The following TXLNB variants were observed in gnomAD, a reference collection of about 807,000 sequenced individuals.
The protein encoded by TXLNB is taxilin beta.
In TXLNB, 37 loss-of-function variants were observed where a neutral mutation model predicts 57.4. That is an observed-to-expected ratio of 0.64 (90% CI 0.50 to 0.85). The LOEUF is 0.85. Ranked by LOEUF, TXLNB falls within the 40% of genes least tolerant of loss-of-function variation. The probability of loss-of-function intolerance (pLI) is 0.00; values close to 1 mark genes in which losing one functional copy is unlikely to be tolerated. For missense variants in TXLNB, 848 were observed against 825.6 expected, an observed-to-expected ratio of 1.03 and a Z score of -0.33; for synonymous variants, 302 against 309.6, an observed-to-expected ratio of 0.98 and a Z score of 0.26.
At chr6:139,185,471 G>C in the TXLNB span, among the ~76,000 whole-genome samples, 1 of 152,210 alleles carries the variant, frequency 6.6e-6, no homozygotes, top group African/African-American at 2.4e-5. Context: ...GGAGGCCGAG[G>C]TGGGCGGATC....
At chr6:139,282,802 A>T (rs1777085443) in intron 2 of TXLNB, among the ~76,000 whole-genome samples, 1 of 145,548 alleles carries the variant, frequency 6.9e-6, no homozygotes, top group Admixed American at 6.7e-5. Flanking sequence ...TTGCTTTATG[A>T]CTAATCTCAC....
the TXLNB span, among the ~76,000 whole-genome samples, chr6:139,198,859 C>T: frequency 6.6e-6 from 1 of 152,130 alleles, no homozygotes; most frequent in Non-Finnish European, 1.5e-5. Context: ...CCCCAGGGAG[C>T]GTCATCATTC....
chr6:139,314,743 A>T, the TXLNB span, among the ~76,000 whole-genome samples: 1 of 152,314 alleles, frequency 6.6e-6, no homozygotes, highest in Admixed American at 6.5e-5. Flanking sequence ...CAAAATTATA[A>T]CTGAGGAAAT....
chr6:139,174,797 G>A, the TXLNB span, among the ~76,000 whole-genome samples: 1 of 152,092 alleles, frequency 6.6e-6, no homozygotes, highest in African/African-American at 2.4e-5. Context: ...ATAATAATAT[G>A]CTTGCATTTG....
intron 7 of TXLNB, among the ~76,000 whole-genome samples, chr6:139,248,847 G>A (rs190740277): frequency 2.6e-5 from 4 of 152,342 alleles, no homozygotes; most frequent in Non-Finnish European, 5.9e-5. Flanking sequence ...AAGGCAATGT[G>A]GGCTGGACAC....
At chr6:139,315,210 C>T in the TXLNB span, among the ~76,000 whole-genome samples, 2 of 152,262 alleles carry the variant, frequency 1.3e-5, no homozygotes, top group East Asian at 3.9e-4. Context: ...TCCAACCTGA[C>T]CAATCCATAC....
Position 139,268,112 on chromosome 6 carries a change from C to T in TXLNB, c.687+2344G>A, listed in dbSNP as rs557555760. Reference sequence around the variant, plus strand: ...TTGCAGTGAGCCGAGATTGCACCACCGCACTCCAGCCTGGACGACAGAGCG... The same window carrying T: ...TTGCAGTGAGCCGAGATTGCACCACTGCACTCCAGCCTGGACGACAGAGCG... On this transcript the variant is annotated intron_variant, in intron 4 of 9. Transcript: ENST00000358430. 1.8e-3 allele frequency among the ~76,000 whole-genome samples: 267 copies of T among 146,584 alleles called. 3 individuals are homozygous for T. Among genetic ancestry groups the T allele is most frequent in the Middle Eastern group, 7.2e-3 (2 of 278 alleles).
intron 2 of TXLNB, among the ~76,000 whole-genome samples, chr6:139,278,594 C>G (rs182428555): frequency 6.6e-6 from 1 of 151,510 alleles, no homozygotes; most frequent in East Asian, 1.9e-4. Flanking sequence ...AGACTACAAT[C>G]TCAAGTTAGA....
Position 139,291,938 on chromosome 6 carries a change from A to T in TXLNB, c.-32T>A, listed in dbSNP as rs1777308101. The T allele has an allele frequency of 6.6e-6, 1 of 152,646 alleles. No homozygotes were observed. The highest frequency in any genetic ancestry group is 6.5e-5 in the Admixed American group (1 of 15,298). The allele number at this position is 152,646 out of a possible 1,614,324, so 9.5% of individuals were successfully genotyped here. A position where few individuals can be genotyped will look rare whatever the true frequency, so the allele number is the denominator to read the frequency against. On this transcript the variant is annotated 5_prime_UTR_variant, in exon 1 of 10. Coordinates refer to ENST00000358430, the MANE Select transcript of TXLNB (RefSeq NM_153235.4). ...ATACTTACCAGAAGGCAAGAAGCTA[A>T]GCAAGAAGAGAGAGGAGAGGAAGGA...
Position 139,242,453 on chromosome 6 carries a change from C to A in TXLNB, c.*73G>T. 7.4e-7 allele frequency: 1 copy of A among 1,353,452 alleles called. No individual in the cohort carries two copies. The highest frequency in any genetic ancestry group is 9.7e-7 in the Non-Finnish European group (1 of 1,030,194). The allele number at this position is 1,353,452 out of a possible 1,614,324, so 83.8% of individuals were successfully genotyped here. A position where few individuals can be genotyped will look rare whatever the true frequency, so the allele number is the denominator to read the frequency against. ...ATTTGACATCTCTAGCCCTTAATGCCTTTTTCGGAAGACAAGCTGTTATGC... is the reference window on the plus strand; with the variant it reads ...ATTTGACATCTCTAGCCCTTAATGCATTTTTCGGAAGACAAGCTGTTATGC... On this transcript the variant is annotated 3_prime_UTR_variant, in exon 10 of 10. Transcript: ENST00000358430.
the TXLNB span, among the ~76,000 whole-genome samples, chr6:139,215,084 A>C: frequency 6.6e-6 from 1 of 152,190 alleles, no homozygotes; most frequent in Non-Finnish European, 1.5e-5. Flanking sequence ...TGCCATCCCC[A>C]TCAAGCTACC....
chr6:139,268,165 A>C (rs1225372304), intron 4 of TXLNB, among the ~76,000 whole-genome samples: 1 of 151,664 alleles, frequency 6.6e-6, no homozygotes, highest in Non-Finnish European at 1.5e-5. Flanking sequence ...AAAAAAAAAA[A>C]AAAAAAAGAT....
chr6:139,315,165 G>A, the TXLNB span, among the ~76,000 whole-genome samples: 2 of 152,156 alleles, frequency 1.3e-5, no homozygotes, highest in South Asian at 2.1e-4. Flanking sequence ...AGAAGACAGC[G>A]AGAAAACCTC....
the TXLNB span, chr6:139,183,012 C>T: frequency 6.6e-6 from 1 of 152,204 alleles, no homozygotes; most frequent in African/African-American, 2.4e-5. Flanking sequence ...TCCTAATAAA[C>T]CCAGTTATTC....
the TXLNB span, among the ~76,000 whole-genome samples, chr6:139,301,049 G>T: frequency 6.6e-6 from 1 of 152,186 alleles, no homozygotes; most frequent in Non-Finnish European, 1.5e-5. Flanking sequence ...CCAAACTGTA[G>T]ATGGATCCTG....
At chr6:139,228,945 TAC>T in the TXLNB span, among the ~76,000 whole-genome samples, 1 of 152,178 alleles carries the variant, frequency 6.6e-6, no homozygotes, top group Non-Finnish European at 1.5e-5. Flanking sequence ...TATCAAGTGT[TAC>T]ACTGTTTTAG....
chr6:139,277,774 C>T (rs188881141), intron 2 of TXLNB, among the ~76,000 whole-genome samples: 3 of 152,170 alleles, frequency 2.0e-5, no homozygotes, highest in African/African-American at 7.2e-5. Context: ...GGCATTTTTC[C>T]CATCCCTACC....
intron 7 of TXLNB, among the ~76,000 whole-genome samples, chr6:139,250,016 T>C (rs528986542): frequency 7.7e-4 from 117 of 152,010 alleles, no homozygotes; most frequent in Non-Finnish European, 1.4e-3. Context: ...TACTGTGGTT[T>C]TTTTTTTCTT....
the TXLNB span, among the ~76,000 whole-genome samples, chr6:139,216,135 A>C: frequency 4.6e-5 from 7 of 152,156 alleles, no homozygotes; most frequent in Non-Finnish European, 1.0e-4. Flanking sequence ...TATATACCCA[A>C]AGGATTATAA....
Sources: allele counts gnomAD v4.1 joint callset (sites outside exome capture counted in the v4.1 genomes callset), GRCh38; gene constraint gnomAD v4.1.1; transcripts MANE v1.5; gene names NCBI Gene and HGNC (gene_info 2026-07-23, HGNC 2026-07-21).